RFX7: variants seen among roughly 807,000 people sequenced by gnomAD.
The protein encoded by RFX7 is regulatory factor X7.
A neutral mutation model predicts 111.8 loss-of-function variants in RFX7; 26 were observed. The observed-to-expected ratio is 0.23, with a 90% CI of 0.17 to 0.32. The LOEUF (loss-of-function observed/expected upper bound fraction) is 0.32, where lower values mean the gene tolerates loss of function less well. RFX7 is among the 10% of genes least tolerant of loss of function. The probability of loss-of-function intolerance (pLI) is 1.00; values close to 1 mark genes in which losing one functional copy is unlikely to be tolerated. For synonymous variants in RFX7, 624 were observed against 624.4 expected (o/e 1.00, Z 0.01); for missense variants, 1,573 against 1,772.9 (o/e 0.89, Z 2.02).
intron 2 of RFX7, among the ~76,000 whole-genome samples, chr15:56,212,877 TAC>T (rs1356069255): frequency 1.3e-5 from 2 of 152,098 alleles, no homozygotes; most frequent in African/African-American, 4.8e-5. Flanking sequence ...ACACAAATAG[TAC>T]AGATGTTTGT....
At chr15:56,185,005 T>A (rs568647281) in intron 2 of RFX7, among the ~76,000 whole-genome samples, 4 of 152,316 alleles carry the variant, frequency 2.6e-5, no homozygotes, top group Admixed American at 2.6e-4. Flanking sequence ...TTATTTTTTG[T>A]TTTTCTTCTG....
intron 3 of RFX7, among the ~76,000 whole-genome samples, chr15:56,172,947 C>T (rs1438769110): frequency 2.0e-5 from 3 of 152,086 alleles, no homozygotes; most frequent in Admixed American, 2.0e-4. Context: ...ATATCAGAAA[C>T]AAGTGTTTTC....
At chr15:56,220,241 T>G (rs1258262369) in intron 2 of RFX7, among the ~76,000 whole-genome samples, 1 of 152,154 alleles carries the variant, frequency 6.6e-6, no homozygotes, top group African/African-American at 2.4e-5. Context: ...ATTTTATTTA[T>G]TTTTTTGAGA....
chr15:56,231,371 A>G (rs1445309042), intron 2 of RFX7, among the ~76,000 whole-genome samples: 11 of 152,174 alleles, frequency 7.2e-5, no homozygotes, highest in African/African-American at 2.7e-4. Flanking sequence ...ATGGCTGGGG[A>G]GGCTTTACAA....
intron 3 of RFX7, among the ~76,000 whole-genome samples, chr15:56,157,410 C>T (rs1465904109): frequency 6.6e-6 from 1 of 152,142 alleles, no homozygotes; most frequent in East Asian, 1.9e-4. Context: ...AGGGACCTAA[C>T]TAAAAATTGT....
At position 56,128,356 on chromosome 15, in the gene RFX7, T is replaced by C. The variant is rs1159739653; in HGVS notation, c.401+14422A>G. Among the ~76,000 whole-genome samples the C allele has an allele frequency of 2.6e-5, 4 of 152,286 alleles. No homozygotes were observed. The East Asian group carries it at 7.7e-4, about 29-fold the overall frequency. On this transcript the variant is annotated intron_variant, in intron 5 of 9. Coordinates refer to ENST00000559447, the MANE Select transcript of RFX7 (RefSeq NM_022841.7). ...TAACAAAAGACTGACAAACTGAAAC[T>C]AGCTGCATACATAATGGATTAGATA...
chr15:56,177,694 G>C (rs375508266), intron 3 of RFX7, among the ~76,000 whole-genome samples: 50 of 152,250 alleles, frequency 3.3e-4, no homozygotes, highest in African/African-American at 1.1e-3. Flanking sequence ...GTTATCTCAA[G>C]TATTGCAAAG....
chr15:56,173,704 G>C (rs947815020), intron 3 of RFX7, among the ~76,000 whole-genome samples: 4 of 152,120 alleles, frequency 2.6e-5, no homozygotes, highest in Non-Finnish European at 1.5e-5. Context: ...TGAGGCAGGA[G>C]AATCGCTTGA....
At chr15:56,210,036 G>T (rs1396829609) in intron 2 of RFX7, among the ~76,000 whole-genome samples, 1 of 152,010 alleles carries the variant, frequency 6.6e-6, no homozygotes, top group African/African-American at 2.4e-5. Flanking sequence ...AGACACCACT[G>T]TCAGAGTGGA....
chr15:56,126,558 T>TA (rs2042148610), intron 5 of RFX7, among the ~76,000 whole-genome samples: 1 of 152,204 alleles, frequency 6.6e-6, no homozygotes, highest in Admixed American at 6.5e-5. Flanking sequence ...AACCTTACTT[T>TA]ATCAGTAATT....
chr15:56,215,922 C>T (rs531845883), intron 2 of RFX7, among the ~76,000 whole-genome samples: 171 of 152,180 alleles, frequency 1.1e-3, no homozygotes, highest in African/African-American at 4.1e-3. Context: ...CTGCAGGAGG[C>T]CTTATACCTC....
chr15:56,142,685 G>C, intron 5 of RFX7, 93 bp downstream of exon 5: 1 of 1,121,704 alleles, frequency 8.9e-7, no homozygotes, highest in Non-Finnish European at 1.3e-6. Flanking sequence ...ATACCAGCTT[G>C]ATATTCACCA....
At chr15:56,174,918 A>G (rs1417960806) in intron 3 of RFX7, among the ~76,000 whole-genome samples, 1 of 152,210 alleles carries the variant, frequency 6.6e-6, no homozygotes, top group Non-Finnish European at 1.5e-5. Context: ...ATCCGGAACA[A>G]GGCAAGGAAA....
At chr15:56,126,573 T>C (rs12595072) in intron 5 of RFX7, among the ~76,000 whole-genome samples, 19,643 of 152,152 alleles carry the variant, frequency 0.13, 1,657 homozygotes, top group East Asian at 0.44. Flanking sequence ...GTAATTACAT[T>C]AAATGTAAAT....
intron 2 of RFX7, among the ~76,000 whole-genome samples, chr15:56,185,282 AAT>A (rs1292085855): frequency 6.6e-6 from 1 of 152,170 alleles, no homozygotes; most frequent in South Asian, 2.1e-4. Flanking sequence ...TCAGCCAGGG[AAT>A]ATGGTTTTCA....
At chr15:56,146,232 G>A (rs1203811686) in intron 3 of RFX7, among the ~76,000 whole-genome samples, 6 of 151,948 alleles carry the variant, frequency 3.9e-5, no homozygotes, top group Non-Finnish European at 8.8e-5. Flanking sequence ...CAAGTAGTTG[G>A]GGCCAGAGGT....
rs1567002656 is a variant in RFX7, at chr15:56,094,689, G to A, written c.3039C>T (p.Val1013=). 2 of 1,613,922 alleles carry A rather than the reference G, an allele frequency of 1.2e-6. No individual in the cohort carries two copies. The highest frequency in any genetic ancestry group is 1.1e-5 in the South Asian group (1 of 91,074). Residue 1013 remains valine (V), a synonymous_variant, in exon 10 of 10, where the codon GTC becomes GTT. Coordinates refer to ENST00000559447, the MANE Select transcript of RFX7 (RefSeq NM_022841.7). ...TCCTGCATTCAACAGGGCTGGGGGG[G>A]ACACTACTGCTGCAGTTAGAATGTG... ...GTPHSNCSSS[V]PPSPVECRNP...
intron 2 of RFX7, among the ~76,000 whole-genome samples, chr15:56,213,380 T>G (rs1422873901): frequency 6.6e-6 from 1 of 152,180 alleles, no homozygotes; most frequent in Non-Finnish European, 1.5e-5. Context: ...TATTGATAGC[T>G]AGAACAATCT....
At chr15:56,182,197 C>A (rs1392709555) in intron 2 of RFX7, among the ~76,000 whole-genome samples, 1 of 152,030 alleles carries the variant, frequency 6.6e-6, no homozygotes, top group Non-Finnish European at 1.5e-5. Context: ...CTTGAATCAT[C>A]CCCAAACCAT....
Sources: allele counts gnomAD v4.1 joint callset (sites outside exome capture counted in the v4.1 genomes callset), GRCh38; gene constraint gnomAD v4.1.1; transcripts MANE v1.5; gene names NCBI Gene and HGNC (gene_info 2026-07-23, HGNC 2026-07-21).